TTC23: variants seen among roughly 807,000 people sequenced by gnomAD.
The protein encoded by TTC23 is tetratricopeptide repeat domain 23.
In TTC23, 58 loss-of-function variants were observed where a neutral mutation model predicts 55.1. The ratio of observed to expected loss-of-function variants is 1.05; its 90% CI spans 0.85 to 1.31. The LOEUF is 1.31. TTC23 is among the 50% of genes most tolerant of loss of function. The probability of loss-of-function intolerance (pLI) is 0.00; values close to 1 mark genes in which losing one functional copy is unlikely to be tolerated. For synonymous variants in TTC23, 203 were observed against 199.9 expected, an observed-to-expected ratio of 1.02 and a Z score of -0.13; for missense variants, 516 against 534.4, an observed-to-expected ratio of 0.97 and a Z score of 0.34.
In TTC23 at chr15:99,238,132, AT is replaced by A. The variant is rs890074091; in HGVS notation, c.-113-3053del. Among the ~76,000 whole-genome samples the A allele has an allele frequency of 2.1e-3, 307 of 147,510 alleles. 1 individual carries two copies. The highest frequency in any genetic ancestry group is 7.0e-3 in the Middle Eastern group (2 of 286). ...AGGCATGCACCACCATGCCTGGCTA[AT>A]TTTTTTTTTTCTTTCAGTAGAGATG... On this transcript the variant is annotated intron_variant, in intron 3 of 13. Transcript: ENST00000394132.
At chr15:99,182,519 C>T (rs904069236) in intron 9 of TTC23, among the ~76,000 whole-genome samples, 5 of 152,090 alleles carry the variant, frequency 3.3e-5, no homozygotes, top group African/African-American at 9.7e-5. Context: ...TTTTAAAGAA[C>T]TCTTTCTATA....
intron 8 of TTC23, among the ~76,000 whole-genome samples, chr15:99,209,827 C>T (rs925063524): frequency 6.6e-6 from 1 of 152,130 alleles, no homozygotes; most frequent in African/African-American, 2.4e-5. Context: ...CTCTGCCTCC[C>T]GGTCTCAAGC....
chr15:99,185,575 G>C (rs568163178), intron 9 of TTC23, among the ~76,000 whole-genome samples: 19 of 152,346 alleles, frequency 1.2e-4, no homozygotes, highest in African/African-American at 4.6e-4. Context: ...ATTCAAGTGA[G>C]AGATGGGAAA....
In TTC23 at chr15:99,138,064, G is replaced by A. The variant is rs782382653; in HGVS notation, c.1290C>T (p.Ser430=). Residue 430 remains serine (S), a synonymous_variant, in exon 14 of 14, where the codon AGC becomes AGT. Coordinates refer to ENST00000394132, the MANE Select transcript of TTC23 (RefSeq NM_001288615.3). Reference sequence around the variant, plus strand: ...TCCCCAGCAGGGTGTCCTGAGGGATGCTGGTGCAGAAGGCCACTTTGGCTT... The same window carrying A: ...TCCCCAGCAGGGTGTCCTGAGGGATACTGGTGCAGAAGGCCACTTTGGCTT... The part of the protein sequence containing the change: ...ASKAKVAFCT[S]IPQDTLLGKA... 4 of 1,613,786 alleles carry A rather than the reference G, an allele frequency of 2.5e-6. No homozygotes were observed. The East Asian group carries it at 8.9e-5, about 36-fold the overall frequency.
intron 5 of TTC23, among the ~76,000 whole-genome samples, chr15:99,226,077 A>G (rs1000945622): frequency 3.3e-5 from 5 of 152,252 alleles, no homozygotes; most frequent in African/African-American, 1.2e-4. Context: ...CAAGATATCA[A>G]GATCATGAAA....
intron 12 of TTC23, among the ~76,000 whole-genome samples, chr15:99,143,650 C>T (rs893282324): frequency 6.6e-6 from 1 of 152,362 alleles, no homozygotes; most frequent in South Asian, 2.1e-4. Flanking sequence ...TGCTCTTATT[C>T]TCTTTGATTT....
At chr15:99,225,478 A>C (rs906022094) in intron 5 of TTC23, among the ~76,000 whole-genome samples, 2 of 152,180 alleles carry the variant, frequency 1.3e-5, no homozygotes, top group Non-Finnish European at 2.9e-5. Context: ...TTAAACCGTA[A>C]GGGGATGCAT....
At chr15:99,224,589 T>A (rs984226350) in intron 5 of TTC23, among the ~76,000 whole-genome samples, 1 of 152,236 alleles carries the variant, frequency 6.6e-6, no homozygotes, top group Non-Finnish European at 1.5e-5. Flanking sequence ...ATATCCTGTA[T>A]GGATAGCTTT....
chr15:99,184,870 A>G (rs2074515860), intron 9 of TTC23, among the ~76,000 whole-genome samples: 1 of 152,178 alleles, frequency 6.6e-6, no homozygotes, highest in Admixed American at 6.5e-5. Context: ...TAATCCCACA[A>G]TCCCCATATG....
chr15:99,217,150 C>A (rs2152040390), intron 8 of TTC23, among the ~76,000 whole-genome samples: 1 of 141,044 alleles, frequency 7.1e-6, no homozygotes, highest in East Asian at 2.1e-4. Context: ...TACAAATTTT[C>A]TTTTTTTCTC....
intron 8 of TTC23, among the ~76,000 whole-genome samples, chr15:99,214,507 C>CAAAAAA (rs532096253): frequency 4.0e-5 from 4 of 99,006 alleles, no homozygotes; most frequent in Non-Finnish European, 5.8e-5. Context: ...GACTGCATCT[C>CAAAAAA]AAAAAAAAAA....
At chr15:99,222,151 G>T (rs2152054036) in intron 5 of TTC23, among the ~76,000 whole-genome samples, 1 of 152,300 alleles carries the variant, frequency 6.6e-6, no homozygotes, top group Admixed American at 6.5e-5. Context: ...AAAAAGTAGA[G>T]CAGACATCTA....
intron 12 of TTC23, among the ~76,000 whole-genome samples, chr15:99,145,995 C>T (rs2151847138): frequency 1.3e-5 from 2 of 152,310 alleles, no homozygotes; most frequent in South Asian, 4.1e-4. Flanking sequence ...GTCATCCTTG[C>T]TGTCTCCCTC....
intron 9 of TTC23, among the ~76,000 whole-genome samples, chr15:99,192,384 C>G (rs1231987256): frequency 1.3e-5 from 2 of 152,158 alleles, no homozygotes; most frequent in Non-Finnish European, 2.9e-5. Flanking sequence ...GGGCTGGGCC[C>G]AGGGTCCCCA....
At position 99,228,665 on chromosome 15, in the gene TTC23, A is replaced by C. The variant is rs1306631558; in HGVS notation, c.48T>G (p.Val16=). The change falls in exon 5 of 14, where the codon GTT becomes GTG. Residue 16 remains valine (V), a synonymous_variant. Coordinates refer to ENST00000394132, the MANE Select transcript of TTC23 (RefSeq NM_001288615.3). ...TATGAGTGATGCTAACAGCAGCAAC[A>C]ACTTCATCTAGGTGGTTGGATATGT... ...ETHISNHLDE[V]VAAVSITHRK... 2 of 1,613,508 alleles carry C rather than the reference A, an allele frequency of 1.2e-6. No individual in the cohort carries two copies. The highest frequency in any genetic ancestry group is 1.7e-6 in the Non-Finnish European group (2 of 1,179,676).
At chr15:99,188,853 T>C (rs888384109) in intron 9 of TTC23, among the ~76,000 whole-genome samples, 1 of 152,094 alleles carries the variant, frequency 6.6e-6, no homozygotes, top group Admixed American at 6.5e-5. Flanking sequence ...CTATCATACA[T>C]TGCTAATGGA....
chr15:99,178,472 T>C (rs1463494650), intron 9 of TTC23, among the ~76,000 whole-genome samples: 1 of 152,254 alleles, frequency 6.6e-6, no homozygotes, highest in Non-Finnish European at 1.5e-5. Context: ...TTCCATTTAA[T>C]TTAATTCAGT....
intron 10 of TTC23, among the ~76,000 whole-genome samples, chr15:99,168,860 C>T (rs2072520439): frequency 6.6e-6 from 1 of 152,144 alleles, no homozygotes; most frequent in Non-Finnish European, 1.5e-5. Context: ...GCACCCTCAG[C>T]AGCGTGGGGT....
At chr15:99,147,061 C>T (rs1365740354) in intron 12 of TTC23, among the ~76,000 whole-genome samples, 8 of 150,896 alleles carry the variant, frequency 5.3e-5, no homozygotes, top group African/African-American at 7.4e-5. Context: ...ATTACAGGCA[C>T]ACGCCACCAC....
Sources: allele counts gnomAD v4.1 joint callset (sites outside exome capture counted in the v4.1 genomes callset), GRCh38; gene constraint gnomAD v4.1.1; transcripts MANE v1.5; gene names NCBI Gene and HGNC (gene_info 2026-07-23, HGNC 2026-07-21).